PTCD3: variants seen among roughly 807,000 people sequenced by gnomAD.
PTCD3 encodes the protein pentatricopeptide repeat domain 3.
A neutral mutation model predicts 101.9 loss-of-function variants in PTCD3; 89 were observed. That is an observed-to-expected ratio of 0.87 (90% CI 0.74 to 1.04). The LOEUF (loss-of-function observed/expected upper bound fraction) is 1.04, where lower values mean the gene tolerates loss of function less well. Among genes scored for constraint, PTCD3 ranks in the 50% least tolerant of loss-of-function variants. The probability of loss-of-function intolerance (pLI) is 0.00; values close to 1 mark genes in which losing one functional copy is unlikely to be tolerated. For synonymous variants in PTCD3, 296 were observed against 278.5 expected (o/e 1.06, Z -0.63); for missense variants, 870 against 828.2 (o/e 1.05, Z -0.62).
At chr2:86,108,462 T>G in intron 2 of PTCD3, 38 bp from the exon 3 acceptor site, 1 of 1,590,544 alleles carries the variant, frequency 6.3e-7, no homozygotes, top group Non-Finnish European at 8.5e-7. Context: ...TCCATTGTAG[T>G]ACTAGGAAAC....
chr2:86,118,064 C>T lies in PTCD3; in HGVS notation c.415-857C>T, dbSNP rs544175045. ...TCCTGGGATTACAGGTGTGAGCCAC[C>T]GTGTCCGGCCTTGATCCACTTCTTA... On this transcript the variant is annotated intron_variant, in intron 6 of 23. Transcript: ENST00000254630. 5.9e-5 allele frequency among the ~76,000 whole-genome samples: 9 copies of T among 152,312 alleles called. No individual in the cohort carries two copies. The East Asian group carries it at 1.5e-3, about 26-fold the overall frequency.
At chr2:86,133,121 C>T in intron 17 of PTCD3, 57 bp from the exon 18 acceptor site, 1 of 1,574,076 alleles carries the variant, frequency 6.4e-7, no homozygotes, top group Non-Finnish European at 8.6e-7. Context: ...ACCCTTATTT[C>T]CCCTGTTGTT....
intron 21 of PTCD3, 81 bp downstream of exon 21, chr2:86,135,068 T>C (rs1573859684): frequency 6.8e-7 from 1 of 1,463,648 alleles, no homozygotes; most frequent in African/African-American, 1.4e-5. Context: ...GTAGAGGTTC[T>C]TTCATTTGGC....
At chr2:86,111,747 G>C (rs1184034767) in intron 4 of PTCD3, 2 of 156,158 alleles carry the variant, frequency 1.3e-5, no homozygotes, top group African/African-American at 4.8e-5. Context: ...TTGTTTGTTT[G>C]TTTTGTTTTG....
chr2:86,114,434 C>T (rs1399717856), intron 4 of PTCD3, among the ~76,000 whole-genome samples: 1 of 152,090 alleles, frequency 6.6e-6, no homozygotes, highest in Non-Finnish European at 1.5e-5. Flanking sequence ...ACTACAGGCG[C>T]CCCCACCCCC....
intron 3 of PTCD3, 85 bp downstream of exon 3, chr2:86,108,621 C>T: frequency 7.7e-7 from 1 of 1,300,758 alleles, no homozygotes; most frequent in Non-Finnish European, 1.1e-6. Flanking sequence ...GAGACAGTGA[C>T]AGGAAGAGCA....
chr2:86,134,288 C>A lies in PTCD3; in HGVS notation c.1544-4C>A, dbSNP rs1366771453. On this transcript the variant is annotated splice_polypyrimidine_tract_variant and splice_region_variant and intron_variant, in intron 19 of 23. Transcript: ENST00000254630. The stretch of plus-strand genomic sequence containing the variant: ...ATCACTCCTTGTTCCTTTCTTGTTT[C>A]AAGATAGTAAAGAATATGGTCATAC... 2 of 1,598,918 alleles carry A rather than the reference C, an allele frequency of 1.3e-6. No homozygotes were observed. The highest frequency in any genetic ancestry group is 2.7e-5 in the African/African-American group (2 of 74,562).
At chr2:86,106,916 G>A (rs960464696) in intron 1 of PTCD3, among the ~76,000 whole-genome samples, 3 of 152,070 alleles carry the variant, frequency 2.0e-5, no homozygotes, top group African/African-American at 7.2e-5. Flanking sequence ...TGGCATTGTG[G>A]GAATATGAGA....
chr2:86,125,537 T>C (rs529894953), intron 11 of PTCD3, 22 bp downstream of exon 11: 3 of 1,578,238 alleles, frequency 1.9e-6, no homozygotes, highest in East Asian at 2.2e-5. Flanking sequence ...AACTCCCCTC[T>C]GTCCCTTTCT....
rs1361352301 is a variant in PTCD3 at position 86,117,136 on chromosome 2, G to C, written c.391G>C (p.Asp131His). The part of the protein sequence containing the change: ...INSYPKYFQK[D>H]IAEPHIPCLM... ...TTCATACCCCAAATATTTTCAGAAGGACATAGCTGAACCTCATATACCGGT... is the reference window on the plus strand; with the variant it reads ...TTCATACCCCAAATATTTTCAGAAGCACATAGCTGAACCTCATATACCGGT... The change falls in exon 6 of 24, where the codon GAC becomes CAC. Residue 131 changes from aspartate (D) to histidine (H), a missense_variant. Asp to His is a moderately conservative substitution (Grantham distance 81, BLOSUM62 -1). Transcript: ENST00000254630. 7.5e-7 allele frequency: 1 copy of C among 1,339,018 alleles called. No homozygotes were observed. Among genetic ancestry groups the C allele is most frequent in the Non-Finnish European group, 1.1e-6 (1 of 929,596 alleles). The allele number at this position is 1,339,018 out of a possible 1,614,324, so 82.9% of individuals were successfully genotyped here.
At position 86,125,077 on chromosome 2, in the gene PTCD3, G is replaced by T. The variant is rs775965382; in HGVS notation, c.799G>T (p.Val267Leu). ...HSYCTMIRGMVKHRAYEQALN... is the reference protein window; with the variant it reads ...HSYCTMIRGMLKHRAYEQALN... ...CTATTGCACAATGATCCGAGGAATG[G>T]TGAAGGTACATTTGTTTTATTTATT... Residue 267 changes from valine (V) to leucine (L), a missense_variant, in exon 10 of 24, where the codon GTG becomes TTG. Coordinates refer to ENST00000254630, the MANE Select transcript of PTCD3 (RefSeq NM_017952.6). The T allele has an allele frequency of 1.2e-6, 2 of 1,613,678 alleles. No individual in the cohort carries two copies. Among genetic ancestry groups the T allele is most frequent in the East Asian group, 2.2e-5 (1 of 44,876 alleles).
rs1558790990 is a variant in PTCD3, at chr2:86,106,295, T to G, written c.48T>G (p.Leu16=). 1.9e-6 allele frequency: 3 copies of G among 1,613,350 alleles called. No individual in the cohort carries two copies. Among genetic ancestry groups the G allele is most frequent in the South Asian group, 1.1e-5 (1 of 91,068 alleles). ...GCTGGCTGGGCCTCCGCAGCAGGCTTGGCCAGCCGCTGACGGGTCGGCGGG... is the reference window on the plus strand; with the variant it reads ...GCTGGCTGGGCCTCCGCAGCAGGCTGGGCCAGCCGCTGACGGGTCGGCGGG... The part of the protein sequence containing the change: ...AVRWLGLRSR[L]GQPLTGRRAG... Residue 16 remains leucine (L), a synonymous_variant, in exon 1 of 24, where the codon CTT becomes CTG. Coordinates refer to ENST00000254630, the MANE Select transcript of PTCD3 (RefSeq NM_017952.6).
At chr2:86,128,343 T>G (rs1345186748) in intron 14 of PTCD3, among the ~76,000 whole-genome samples, 1 of 150,798 alleles carries the variant, frequency 6.6e-6, no homozygotes, top group African/African-American at 2.4e-5. Flanking sequence ...GGTCTAAAAC[T>G]TGAGCTGGAG....
intron 15 of PTCD3, 87 bp downstream of exon 15, chr2:86,130,824 A>G (rs1674482846): frequency 1.3e-6 from 2 of 1,526,654 alleles, no homozygotes; most frequent in Admixed American, 2.3e-5. Context: ...TGTGATCCCT[A>G]TAGCTTAGAA....
chr2:86,107,523 G>A (rs150229408), intron 1 of PTCD3, among the ~76,000 whole-genome samples: 33 of 152,288 alleles, frequency 2.2e-4, no homozygotes, highest in African/African-American at 7.5e-4. Context: ...AATACTAACC[G>A]TCACATTATC....
At chr2:86,131,408 A>AT (rs1457864563) in intron 16 of PTCD3, among the ~76,000 whole-genome samples, 1 of 151,814 alleles carries the variant, frequency 6.6e-6, no homozygotes, top group East Asian at 1.9e-4. Context: ...TAATTTTTGT[A>AT]TTTTTTGTGG....
intron 4 of PTCD3, among the ~76,000 whole-genome samples, chr2:86,113,523 A>G (rs1361731924): frequency 2.0e-5 from 3 of 152,206 alleles, no homozygotes; most frequent in Non-Finnish European, 2.9e-5. Flanking sequence ...TGGAACTACT[A>G]GGCTGGACAT....
chr2:86,110,850 G>T, intron 3 of PTCD3: 1 of 684,432 alleles, frequency 1.5e-6, no homozygotes, highest in Non-Finnish European at 2.7e-6. Flanking sequence ...TTTTATGAGG[G>T]CGGGATGGAA....
At chr2:86,134,097 C>T (rs970897656) in intron 19 of PTCD3, among the ~76,000 whole-genome samples, 195 bp from the exon 20 acceptor site, 8 of 152,192 alleles carry the variant, frequency 5.3e-5, no homozygotes. Flanking sequence ...ATGAACACGT[C>T]ACTGGAGCAA....
Sources: gnomAD v4.1 joint callset for allele counts (sites outside exome capture counted in the v4.1 genomes callset) on GRCh38, gnomAD v4.1.1 for gene constraint, MANE v1.5 for transcripts, NCBI Gene and HGNC (gene_info 2026-07-23, HGNC 2026-07-21) for gene names.